The following TTC12 variants were observed in gnomAD, a reference collection of about 807,000 sequenced individuals.
TTC12 encodes the protein tetratricopeptide repeat domain 12, also known as tetratricopeptide repeat protein 12.
TTC12 carries 70 observed loss-of-function variants against 90.1 expected under a neutral mutation model. The observed-to-expected ratio is 0.78, with a 90% CI of 0.64 to 0.95. TTC12 has a LOEUF of 0.95. Among genes scored for constraint, TTC12 ranks in the 40% least tolerant of loss-of-function variants. The probability of loss-of-function intolerance (pLI) is 0.00; values close to 1 mark genes in which losing one functional copy is unlikely to be tolerated. For missense variants in TTC12, 819 were observed against 846.1 expected, an observed-to-expected ratio of 0.97 and a Z score of 0.40; for synonymous variants, 296 against 311.5, an observed-to-expected ratio of 0.95 and a Z score of 0.53.
chr11:113,337,299 A>C (rs1275949391), intron 8 of TTC12, among the ~76,000 whole-genome samples: 2 of 152,220 alleles, frequency 1.3e-5, no homozygotes, highest in Non-Finnish European at 2.9e-5. Context: ...TCTTGGGGTA[A>C]GGGTGACCAG....
In TTC12 at chr11:113,363,870, G is replaced by T. The variant is rs1422392050; in HGVS notation, c.1759G>T (p.Ala587Ser). 6.2e-7 allele frequency: 1 copy of T among 1,613,830 alleles called. No individual in the cohort carries two copies. Among genetic ancestry groups the T allele is most frequent in the Admixed American group, 1.7e-5 (1 of 60,012 alleles). Residue 587 changes from alanine (A) to serine (S), a missense_variant, in exon 20 of 22, where the codon GCT becomes TCT. Physicochemically the swap from Ala to Ser is moderately conservative, Grantham distance 99. Transcript: ENST00000529221. Reference protein sequence around the residue: ...TASRYAIKILAICTNSYHEAR... With the variant: ...TASRYAIKILSICTNSYHEAR... ...ATCACGTTATGCTATAAAGATACTAGCTATCTGCACGAATAGTTATCATGA... is the reference window on the plus strand; with the variant it reads ...ATCACGTTATGCTATAAAGATACTATCTATCTGCACGAATAGTTATCATGA...
chr11:113,315,902 C>G (rs1246988021), intron 1 of TTC12: 3 of 181,276 alleles, frequency 1.7e-5, no homozygotes, highest in Non-Finnish European at 3.4e-5. Flanking sequence ...TAGTGTATTT[C>G]TCTATCCTTG....
At chr11:113,336,429 G>T (rs1489874505) in intron 8 of TTC12, among the ~76,000 whole-genome samples, 1 of 152,070 alleles carries the variant, frequency 6.6e-6, no homozygotes, top group Non-Finnish European at 1.5e-5. Context: ...TGTGATTTTG[G>T]TGTTATATCT....
At position 113,341,208 on chromosome 11, in the gene TTC12, C is replaced by T. The variant is rs549286326; in HGVS notation, c.896+475C>T. On this transcript the variant is annotated intron_variant, in intron 11 of 21. Transcript: ENST00000529221. ...TCACGCCACTGTACTCCAGCCTAGG[C>T]GATACAACCAGATTCAGTCTCAAAA... is the stretch of plus-strand genomic sequence containing the variant. Among the ~76,000 whole-genome samples the T allele has an allele frequency of 5.9e-5, 9 of 152,198 alleles. No individual in the cohort carries two copies. In the South Asian group the frequency reaches 1.2e-3, roughly 21 times the overall value.
intron 7 of TTC12, among the ~76,000 whole-genome samples, chr11:113,331,202 G>C (rs1407923933): frequency 6.6e-6 from 1 of 152,136 alleles, no homozygotes; most frequent in Admixed American, 6.5e-5. Flanking sequence ...TAGTCTTTAA[G>C]TTATAAGAGT....
chr11:113,355,310 C>G (rs1030216545), intron 16 of TTC12, among the ~76,000 whole-genome samples: 5 of 151,902 alleles, frequency 3.3e-5, no homozygotes, highest in Non-Finnish European at 5.9e-5. Context: ...TGATATCCCC[C>G]CTGTTGTTTC....
At position 113,339,491 on chromosome 11, in the gene TTC12, T is replaced by C. The variant is rs782547028; in HGVS notation, c.826+17T>C. The C allele has an allele frequency of 2.5e-6, 4 of 1,599,712 alleles. No individual in the cohort carries two copies. The highest frequency in any genetic ancestry group is 1.7e-4 in the Middle Eastern group (1 of 5,944). On this transcript the variant is annotated intron_variant, in intron 10 of 21. Transcript: ENST00000529221. ...TAAATGAGTGTAAGCCAGAGATGTGTGTGATCTCATGAGTGCTGTCAGTGT... is the reference window on the plus strand; with the variant it reads ...TAAATGAGTGTAAGCCAGAGATGTGCGTGATCTCATGAGTGCTGTCAGTGT...
chr11:113,319,993 C>G (rs782040309), intron 2 of TTC12, among the ~76,000 whole-genome samples: 35 of 152,000 alleles, frequency 2.3e-4, no homozygotes, highest in Middle Eastern at 3.2e-3. Flanking sequence ...CACAAAAGAC[C>G]TAAATTGTAA....
At chr11:113,334,533 C>T (rs1948241341) in intron 7 of TTC12, among the ~76,000 whole-genome samples, 1 of 152,052 alleles carries the variant, frequency 6.6e-6, no homozygotes, top group South Asian at 2.1e-4. Flanking sequence ...GACTCTCAAA[C>T]TTGCCTGCAC....
At chr11:113,333,901 A>C (rs750898646) in intron 7 of TTC12, among the ~76,000 whole-genome samples, 3 of 152,124 alleles carry the variant, frequency 2.0e-5, no homozygotes, top group Non-Finnish European at 4.4e-5. Context: ...TCCGAAATGA[A>C]TTGCTGCTGA....
At chr11:113,336,947 A>G (rs534009346) in intron 8 of TTC12, among the ~76,000 whole-genome samples, 34 of 152,340 alleles carry the variant, frequency 2.2e-4, no homozygotes, top group Admixed American at 1.4e-3. Flanking sequence ...AAGTACTGCT[A>G]TCTAAACAAT....
chr11:113,330,638 A>G (rs1565583672), intron 7 of TTC12, among the ~76,000 whole-genome samples: 1 of 152,184 alleles, frequency 6.6e-6, no homozygotes, highest in Non-Finnish European at 1.5e-5. Context: ...CCCCTAAAGT[A>G]CTCTGTCACG....
intron 8 of TTC12, among the ~76,000 whole-genome samples, chr11:113,335,348 T>A (rs1181083798): frequency 2.0e-5 from 3 of 152,182 alleles, no homozygotes; most frequent in African/African-American, 4.8e-5. Context: ...ACCATGCAGA[T>A]CAGTCAACCT....
In TTC12 at chr11:113,344,288, G is replaced by A; in HGVS notation, c.1002G>A (p.Val334=). The change falls in exon 13 of 22, where the codon GTG becomes GTA. Residue 334 remains valine, a synonymous_variant. Transcript: ENST00000529221. ...VCSRNEENQR[V]LVIHHDRARL... The stretch of plus-strand genomic sequence containing the variant: ...GTTTTGCAGAGGAAAACCAGCGTGT[G>A]CTAGTGATACACCATGACAGGGCCA... The A allele has an allele frequency of 3.1e-6, 5 of 1,613,362 alleles. No individual in the cohort carries two copies. Among genetic ancestry groups the A allele is most frequent in the Non-Finnish European group, 4.2e-6 (5 of 1,179,550 alleles).
At chr11:113,355,779 G>T (rs1431864473) in intron 16 of TTC12, among the ~76,000 whole-genome samples, 1 of 152,078 alleles carries the variant, frequency 6.6e-6, no homozygotes, top group Non-Finnish European at 1.5e-5. Flanking sequence ...ATATAGTTTT[G>T]AGTTCATTTC....
At chr11:113,349,494 G>A (rs1555149303) in intron 13 of TTC12, among the ~76,000 whole-genome samples, 1 of 152,154 alleles carries the variant, frequency 6.6e-6, no homozygotes, top group Non-Finnish European at 1.5e-5. Context: ...TGCTCATTTT[G>A]TGTTTGTAAG....
At chr11:113,320,159 G>C (rs1947214421) in intron 2 of TTC12, among the ~76,000 whole-genome samples, 1 of 152,122 alleles carries the variant, frequency 6.6e-6, no homozygotes, top group African/African-American at 2.4e-5. Flanking sequence ...GATACGGGTA[G>C]GAGATGGGAA....
intron 12 of TTC12, 61 bp downstream of exon 12, chr11:113,341,986 T>G: frequency 7.0e-7 from 1 of 1,420,088 alleles, no homozygotes. Context: ...ACTACGCTGT[T>G]GGGTGGACTG....
At chr11:113,348,322 T>C (rs1279561155) in intron 13 of TTC12, among the ~76,000 whole-genome samples, 1 of 152,208 alleles carries the variant, frequency 6.6e-6, no homozygotes, top group South Asian at 2.1e-4. Context: ...ATCCATAAGA[T>C]AGTATGCTGC....
Sources: gnomAD v4.1 joint callset for allele counts (sites outside exome capture counted in the v4.1 genomes callset) on GRCh38, gnomAD v4.1.1 for gene constraint, MANE v1.5 for transcripts, NCBI Gene and HGNC (gene_info 2026-07-23, HGNC 2026-07-21) for gene names.